Variants in HDX observed in about 807,000 individuals in gnomAD.
The protein encoded by HDX is chromosome X open reading frame 43.
HDX carries 19 observed loss-of-function variants against 45.2 expected under a neutral mutation model. That is an observed-to-expected ratio of 0.42 (90% confidence interval 0.29 to 0.62). The LOEUF is 0.62. Ranked by LOEUF, HDX falls within the 20% of genes least tolerant of loss-of-function variation. The pLI is 0.20. For synonymous variants in HDX, 188 were observed against 172.8 expected (o/e 1.09, Z -0.69); for missense variants, 532 against 493.9 (o/e 1.08, Z -0.73).
chrX:84,444,143 GA>G (rs1227323369), intron 4 of HDX, among the ~76,000 whole-genome samples: 3 of 110,428 alleles, frequency 2.7e-5, no homozygotes, highest in Admixed American at 9.6e-5. Flanking sequence ...CCTTTTAGGG[GA>G]AAAAAAAGAA....
At chrX:84,472,021 A>T (rs2040463845) in intron 3 of HDX, among the ~76,000 whole-genome samples, 1 of 110,158 alleles carries the variant, frequency 9.1e-6, no homozygotes, top group Non-Finnish European at 1.9e-5. Context: ...CATTACATTT[A>T]AAAAAAATTA....
chrX:84,406,871 T>C (rs1176068650), intron 5 of HDX, among the ~76,000 whole-genome samples: 1 of 111,192 alleles, frequency 9.0e-6, no homozygotes, highest in Non-Finnish European at 1.9e-5. Flanking sequence ...AAATTAAATG[T>C]CATTAATTAT....
intron 5 of HDX, among the ~76,000 whole-genome samples, chrX:84,395,757 T>C (rs1484244762): frequency 8.9e-6 from 1 of 112,065 alleles, no homozygotes; most frequent in Non-Finnish European, 1.9e-5. Context: ...GTAGGCTTTG[T>C]TCATCTTTTT....
chrX:84,471,327 G>GA (rs891819545), intron 3 of HDX, among the ~76,000 whole-genome samples: 7 of 105,413 alleles, frequency 6.6e-5, no homozygotes, highest in African/African-American at 2.1e-4. Context: ...ACAGGTAAAA[G>GA]AAAAAAATAA....
At chrX:84,336,335 T>C (rs763864157) in intron 8 of HDX, among the ~76,000 whole-genome samples, 1 of 110,981 alleles carries the variant, frequency 9.0e-6, no homozygotes, top group Non-Finnish European at 1.9e-5. Context: ...TAACTATTAA[T>C]AGGAGGAAAA....
intron 9 of HDX, among the ~76,000 whole-genome samples, chrX:84,328,343 G>A (rs750273915): frequency 1.1e-3 from 117 of 110,853 alleles, no homozygotes; most frequent in Non-Finnish European, 1.7e-3. Context: ...CTGCACTTCA[G>A]CTTGGGTGAC....
intron 10 of HDX, among the ~76,000 whole-genome samples, chrX:84,322,502 A>C (rs1025866709): frequency 4.5e-5 from 5 of 111,285 alleles, no homozygotes; most frequent in Non-Finnish European, 9.5e-5. Context: ...ATTTTACTTT[A>C]GACTAAATTT....
chrX:84,493,264 C>T (rs1174923069), intron 1 of HDX, among the ~76,000 whole-genome samples: 1 of 111,898 alleles, frequency 8.9e-6, no homozygotes, highest in Non-Finnish European at 1.9e-5. Flanking sequence ...CTAGAATTTA[C>T]TGAAATGTAT....
chrX:84,335,531 C>T (rs1389678246), intron 8 of HDX, among the ~76,000 whole-genome samples: 3 of 111,156 alleles, frequency 2.7e-5, no homozygotes, highest in African/African-American at 9.8e-5. Context: ...GGAGATTCAA[C>T]GCAGAGAAAT....
At chrX:84,401,253 A>G (rs1337498756) in intron 5 of HDX, among the ~76,000 whole-genome samples, 1 of 112,306 alleles carries the variant, frequency 8.9e-6, no homozygotes, top group Non-Finnish European at 1.9e-5. Flanking sequence ...AGTTATCATC[A>G]GAGTGAACAG....
intron 6 of HDX, among the ~76,000 whole-genome samples, chrX:84,348,015 GA>G (rs1323396542): frequency 9.0e-6 from 1 of 110,617 alleles, no homozygotes; most frequent in African/African-American, 3.3e-5. Context: ...TTAATTTAGG[GA>G]AAATTCTCAG....
At chrX:84,325,667 T>C (rs1322772269) in intron 10 of HDX, among the ~76,000 whole-genome samples, 1 of 111,853 alleles carries the variant, frequency 8.9e-6, no homozygotes. Flanking sequence ...AAGTAAGTGA[T>C]GCACTGTGGA....
At chrX:84,354,077 A>T (rs2037419120) in intron 6 of HDX, among the ~76,000 whole-genome samples, 1 of 111,795 alleles carries the variant, frequency 8.9e-6, no homozygotes, top group South Asian at 3.7e-4. Context: ...ATTTTATATG[A>T]TCAATGGACA....
chrX:84,403,439 T>C (rs2038750738), intron 5 of HDX, among the ~76,000 whole-genome samples: 1 of 111,624 alleles, frequency 9.0e-6, no homozygotes, highest in Non-Finnish European at 1.9e-5. Context: ...AAAATCTATG[T>C]CTCTACTTCA....
At chrX:84,492,731 C>T (rs2040915756) in intron 1 of HDX, among the ~76,000 whole-genome samples, 2 of 110,798 alleles carry the variant, frequency 1.8e-5, no homozygotes, top group African/African-American at 3.3e-5. Flanking sequence ...AGGATATGTA[C>T]ATTATGATAT....
intron 6 of HDX, among the ~76,000 whole-genome samples, chrX:84,357,611 AT>A (rs776627257): frequency 1.8e-5 from 2 of 110,742 alleles, no homozygotes; most frequent in African/African-American, 6.6e-5. Flanking sequence ...TCTTAAAGAG[AT>A]TTTTTTTTAA....
intron 3 of HDX, among the ~76,000 whole-genome samples, chrX:84,472,763 AT>A (rs749562149): frequency 9.0e-6 from 1 of 111,467 alleles, no homozygotes; most frequent in Non-Finnish European, 1.9e-5. Context: ...TGTTTTCCAC[AT>A]TCTCAATTGA....
At chrX:84,463,976 A>G (rs1237761993) in intron 4 of HDX, among the ~76,000 whole-genome samples, 1 of 111,570 alleles carries the variant, frequency 9.0e-6, no homozygotes, top group African/African-American at 3.3e-5. Flanking sequence ...AGTTTTCTAG[A>G]TAGTTTGATA....
intron 5 of HDX, among the ~76,000 whole-genome samples, chrX:84,420,010 G>C (rs4828268): frequency 0.11 from 12,634 of 110,892 alleles, 629 homozygotes; most frequent in South Asian, 0.28. Flanking sequence ...CACCCAAGTC[G>C]TTTAAAATAT....
Sources: gnomAD v4.1 joint callset for allele counts (sites outside exome capture counted in the v4.1 genomes callset) on GRCh38, gnomAD v4.1.1 for gene constraint, MANE v1.5 for transcripts, NCBI Gene and HGNC (gene_info 2026-07-23, HGNC 2026-07-21) for gene names.